Variants in RPL37 observed in about 807,000 individuals in gnomAD.
The protein encoded by RPL37 is ribosomal protein L37, also known as large ribosomal subunit protein eL37.
Under a neutral mutation model 14.8 loss-of-function variants are expected in RPL37, and 1 was observed. The observed-to-expected ratio is 0.07, with a 90% CI of 0.02 to 0.32. The LOEUF (loss-of-function observed/expected upper bound fraction) is 0.32, where lower values mean the gene tolerates loss of function less well. Ranked by LOEUF, RPL37 falls within the 10% of genes least tolerant of loss-of-function variation. RPL37 has a pLI of 1.00. For missense variants in RPL37, 100 were observed against 128.3 expected, an observed-to-expected ratio of 0.78 and a Z score of 1.06; for synonymous variants, 53 against 45.8, an observed-to-expected ratio of 1.16 and a Z score of -0.63.
chr5:40,832,012 T>TA lies in RPL37; in HGVS notation c.*491dup, dbSNP rs1210029911. On this transcript the variant is annotated 3_prime_UTR_variant, in exon 4 of 4. Transcript: ENST00000274242. The stretch of plus-strand genomic sequence containing the variant: ...TGTGCCAAGTGAGCATTACAGATAC[T>TA]AGGATAAGATCATCTTTTGAAAAAC... The TA allele has an allele frequency of 4.8e-5, 8 of 165,478 alleles. No homozygotes were observed. The highest frequency in any genetic ancestry group is 3.9e-4 in the Admixed American group (7 of 17,914). The allele number at this position is 165,478 out of a possible 1,614,324, so 10.3% of individuals were successfully genotyped here.
rs184626262 is a variant in RPL37 at position 40,832,353 on chromosome 5, A to G, written c.*151T>C. On this transcript the variant is annotated 3_prime_UTR_variant, in exon 4 of 4. Transcript: ENST00000274242. The stretch of plus-strand genomic sequence containing the variant: ...GTAAACATTCCAAAACAGTCACTTA[A>G]CAAGTAAATCTGATATGAAGCTAGC... The G allele has an allele frequency of 1.4e-6, 1 of 730,796 alleles. No homozygotes were observed. Among genetic ancestry groups the G allele is most frequent in the South Asian group, 1.5e-5 (1 of 65,780 alleles). The allele number at this position is 730,796 out of a possible 1,614,324, so 45.3% of individuals were successfully genotyped here.
At chr5:40,832,753 T>C (rs1185844298) in intron 3 of RPL37, 180 bp from the exon 4 acceptor site, 1 of 734,910 alleles carries the variant, frequency 1.4e-6, no homozygotes, top group Middle Eastern at 2.6e-4. Context: ...TTCACTTTGC[T>C]TAAAGATACC....
chr5:40,835,000 G>T, intron 1 of RPL37, 183 bp downstream of exon 1: 1 of 764,566 alleles, frequency 1.3e-6, no homozygotes, highest in Non-Finnish European at 2.2e-6. Context: ...AATTACGGCG[G>T]GATAGGTCCC....
Position 40,832,276 on chromosome 5 carries a change from A to C in RPL37, c.*228T>G, listed in dbSNP as rs116821777. 1.2e-3 allele frequency: 621 copies of C among 530,918 alleles called. 6 individuals are homozygous for C. The highest frequency in any genetic ancestry group is 0.011 in the African/African-American group (577 of 52,482). The allele number at this position is 530,918 out of a possible 1,614,324, so 32.9% of individuals were successfully genotyped here. A position where few individuals can be genotyped will look rare whatever the true frequency, so the allele number is the denominator to read the frequency against. ...TGCCCTCTGCTTCAAGGACTCCTGG[A>C]ATTCTGCTTGTTTCTCATTGCCTTT... On this transcript the variant is annotated 3_prime_UTR_variant, in exon 4 of 4. Transcript: ENST00000274242.
intron 1 of RPL37, 80 bp from the exon 2 acceptor site, chr5:40,834,686 A>G (rs2112159066): frequency 6.8e-7 from 1 of 1,470,384 alleles, no homozygotes; most frequent in Non-Finnish European, 9.2e-7. Flanking sequence ...CCAATTACTG[A>G]TAAAATTTAA....
rs1471588959 is a variant in RPL37, at chr5:40,832,283, CTTGT to C, written c.*217_*220del. 4 of 541,544 alleles carry C rather than the reference CTTGT, an allele frequency of 7.4e-6. No homozygotes were observed. Among genetic ancestry groups the C allele is most frequent in the East Asian group, 3.3e-5 (1 of 30,546 alleles). The allele number at this position is 541,544 out of a possible 1,614,324, so 33.5% of individuals were successfully genotyped here. On this transcript the variant is annotated 3_prime_UTR_variant, in exon 4 of 4. Coordinates refer to ENST00000274242, the MANE Select transcript of RPL37 (RefSeq NM_000997.5). ...TGCTTCAAGGACTCCTGGAATTCTG[CTTGT>C]TTCTCATTGCCTTTAACCGTGTTAC...
rs1745518100 is a variant in RPL37, at chr5:40,826,351, ATTATT to A, written c.*6148_*6152del. The stretch of plus-strand genomic sequence containing the variant: ...CAGTTTTCAGTTTTTATCATTATTT[ATTATT>A]TTATTTTTTATATCCCAGCCCTCCC... On this transcript the variant is annotated 3_prime_UTR_variant, in exon 4 of 4. Transcript: ENST00000274242. 1 of 150,106 alleles carries A rather than the reference ATTATT, an allele frequency of 6.7e-6. No individual in the cohort carries two copies. The highest frequency in any genetic ancestry group is 1.5e-5 in the Non-Finnish European group (1 of 67,992). 9.3% of individuals were successfully genotyped at this position (150,106 alleles called of 1,614,324 possible). A position where few individuals can be genotyped will look rare whatever the true frequency, so the allele number is the denominator to read the frequency against.
chr5:40,828,247 C>T lies in RPL37; in HGVS notation c.*4257G>A, dbSNP rs1336944231. 1 of 152,216 alleles carries T rather than the reference C, an allele frequency of 6.6e-6. No homozygotes were observed. Among genetic ancestry groups the T allele is most frequent in the Non-Finnish European group, 1.5e-5 (1 of 68,030 alleles). 9.4% of individuals were successfully genotyped at this position (152,216 alleles called of 1,614,324 possible). A position where few individuals can be genotyped will look rare whatever the true frequency, so the allele number is the denominator to read the frequency against. The stretch of plus-strand genomic sequence containing the variant: ...CCTTCTAAAGGTTCCTCCATCCCCA[C>T]TGTCTATTACGCTCGTGGTATCCTT... On this transcript the variant is annotated 3_prime_UTR_variant, in exon 4 of 4. Transcript: ENST00000274242.
At position 40,827,399 on chromosome 5, in the gene RPL37, T is replaced by C. The variant is rs1745540832; in HGVS notation, c.*5105A>G. 1 of 152,190 alleles carries C rather than the reference T, an allele frequency of 6.6e-6. No individual in the cohort carries two copies. Among genetic ancestry groups the C allele is most frequent in the Non-Finnish European group, 1.5e-5 (1 of 68,038 alleles). The allele number at this position is 152,190 out of a possible 1,614,324, so 9.4% of individuals were successfully genotyped here. Reference sequence around the variant, plus strand: ...GTTTAAAGCACACCCAAGCTATAATTAAGATTACCTTCTGACGATTACATA... The same window carrying C: ...GTTTAAAGCACACCCAAGCTATAATCAAGATTACCTTCTGACGATTACATA... On this transcript the variant is annotated 3_prime_UTR_variant, in exon 4 of 4. Transcript: ENST00000274242.
At position 40,834,163 on chromosome 5, in the gene RPL37, C is replaced by G; in HGVS notation, c.224+18G>C. 6.3e-7 allele frequency: 1 copy of G among 1,579,320 alleles called. No homozygotes were observed. The highest frequency in any genetic ancestry group is 8.7e-7 in the Non-Finnish European group (1 of 1,148,466). On this transcript the variant is annotated intron_variant, in intron 3 of 3. Transcript: ENST00000274242. ...TCAAGCCCACTGGACCAATTATGAT[C>G]GAACATACAAACTGTACCTGAATCT...
rs551224686 is a variant in RPL37, at chr5:40,827,472, C to G, written c.*5032G>C. ...AAATAAAACTGTTTTCGCAACTAAT[C>G]ATGATGAAAATACTTTTTGTTATCT... On this transcript the variant is annotated 3_prime_UTR_variant, in exon 4 of 4. Coordinates refer to ENST00000274242, the MANE Select transcript of RPL37 (RefSeq NM_000997.5). The G allele has an allele frequency of 1.3e-5, 2 of 152,300 alleles. No homozygotes were observed. The highest frequency in any genetic ancestry group is 4.8e-5 in the African/African-American group (2 of 41,556). The allele number at this position is 152,300 out of a possible 1,614,324, so 9.4% of individuals were successfully genotyped here.
At position 40,834,242 on chromosome 5, in the gene RPL37, T is replaced by C. The variant is rs1422632848; in HGVS notation, c.163A>G (p.Arg55Gly). The C allele has an allele frequency of 4.3e-6, 7 of 1,613,982 alleles. No homozygotes were observed. The African/African-American group carries it at 9.3e-5, about 22-fold the overall frequency. ...RKYNWSAKAK[R>G]RNTTGTGRMR... ...CGACCAGTTCCGGTGGTATTTCGTC[T>C]TTTAGCCTTGGCACTCCAGTTATCT... The change falls in exon 3 of 4, where the codon AGA (arginine) becomes GGA (glycine). Residue 55 changes from arginine (R) to glycine (G), a missense_variant. Around this residue, in one of 2 missense-constraint regions of RPL37, gnomAD observed 74 missense variants for 69.9 expected, o/e 1.06. Transcript: ENST00000274242.
intron 2 of RPL37, 42 bp downstream of exon 2, chr5:40,834,429 C>A (rs1380964005): frequency 6.2e-7 from 1 of 1,601,816 alleles, no homozygotes; most frequent in East Asian, 2.2e-5. Flanking sequence ...AAGTGCAATA[C>A]AAACAAAAGC....
In RPL37 at chr5:40,832,200, C is replaced by A; in HGVS notation, c.*304G>T. ...AATTTACTCAAACATCTAAAATACC[C>A]ACCTATGCCACATGAGCTGTGCTAT... On this transcript the variant is annotated 3_prime_UTR_variant, in exon 4 of 4. Transcript: ENST00000274242. 3.1e-6 allele frequency: 1 copy of A among 319,794 alleles called. No individual in the cohort carries two copies. The highest frequency in any genetic ancestry group is 6.1e-6 in the Non-Finnish European group (1 of 164,544). 19.8% of individuals were successfully genotyped at this position (319,794 alleles called of 1,614,324 possible). A position where few individuals can be genotyped will look rare whatever the true frequency, so the allele number is the denominator to read the frequency against.
intron 3 of RPL37, among the ~76,000 whole-genome samples, chr5:40,833,199 G>A (rs2112157096): frequency 1.3e-5 from 2 of 152,262 alleles, no homozygotes; most frequent in East Asian, 3.9e-4. Context: ...TGTCTACAAA[G>A]CCCTGAACTG....
intron 1 of RPL37, 116 bp downstream of exon 1, chr5:40,835,067 T>A (rs918558756): frequency 4.3e-5 from 62 of 1,452,304 alleles, no homozygotes; most frequent in Non-Finnish European, 5.7e-5. Flanking sequence ...CATGCCTCTT[T>A]CCAGCCCACC....
chr5:40,835,155 A>ATTCACAAACACCACAG (rs1430680260), intron 1 of RPL37, 28 bp downstream of exon 1: 2 of 1,613,984 alleles, frequency 1.2e-6, no homozygotes, highest in Non-Finnish European at 1.7e-6. Context: ...ATGGAACGCG[A>ATTCACAAACACCACAG]TTCACAAACA....
intron 1 of RPL37, chr5:40,834,941 C>A (rs1745732739): frequency 3.2e-6 from 2 of 628,930 alleles, no homozygotes; most frequent in Non-Finnish European, 5.6e-6. Context: ...CGTGAAAGGT[C>A]TCCAAAGGTT....
rs29762 is a variant in RPL37 at position 40,833,172 on chromosome 5, A to T, written c.225-599T>A. Among the ~76,000 whole-genome samples the T allele has an allele frequency of 1.1e-3, 167 of 152,352 alleles. 1 individual carries two copies. The East Asian group carries it at 0.027, about 25-fold the overall frequency. On this transcript the variant is annotated intron_variant, in intron 3 of 3. Transcript: ENST00000274242. ...AATGCAAAGAAAGTTGCTTCAGCAC[A>T]TGAACACACCTATGGGTGTCTACAA...
Sources: gnomAD v4.1 joint callset for allele counts (sites outside exome capture counted in the v4.1 genomes callset) on GRCh38, gnomAD v4.1.1 for gene constraint, gnomAD v4.1.1 regional missense constraint, MANE v1.5 for transcripts, NCBI Gene and HGNC (gene_info 2026-07-23, HGNC 2026-07-21) for gene names.